FSD1L: variants seen among roughly 807,000 people sequenced by gnomAD.
FSD1L encodes the protein FSD1-like protein.
Under a neutral mutation model 71.6 loss-of-function variants are expected in FSD1L, and 45 were observed. That is an observed-to-expected ratio of 0.63 (90% CI 0.49 to 0.81). The LOEUF (loss-of-function observed/expected upper bound fraction) is 0.81, where lower values mean the gene tolerates loss of function less well. Ranked by LOEUF, FSD1L falls within the 30% of genes least tolerant of loss-of-function variation. The probability of loss-of-function intolerance (pLI) is 0.00; values close to 1 mark genes in which losing one functional copy is unlikely to be tolerated. For missense variants in FSD1L, 561 were observed against 618.1 expected (o/e 0.91, Z 0.98); for synonymous variants, 197 against 207.2 (o/e 0.95, Z 0.42).
intron 1 of FSD1L, among the ~76,000 whole-genome samples, chr9:105,453,011 A>G (rs1830135626): frequency 7.2e-6 from 1 of 138,162 alleles, no homozygotes; most frequent in African/African-American, 2.7e-5. Flanking sequence ...TGCTGGGATT[A>G]TAGGTATGAG....
chr9:105,511,052 T>G (rs945387414), intron 9 of FSD1L, among the ~76,000 whole-genome samples: 9 of 151,824 alleles, frequency 5.9e-5, no homozygotes, highest in Non-Finnish European at 2.9e-5. Flanking sequence ...ATAACTTAAC[T>G]GAGGTCCATA....
chr9:105,527,763 C>T (rs1348080085), intron 10 of FSD1L, among the ~76,000 whole-genome samples: 5 of 151,306 alleles, frequency 3.3e-5, no homozygotes, highest in Non-Finnish European at 7.4e-5. Flanking sequence ...CTCACCACTC[C>T]TACTCAACAT....
chr9:105,524,302 T>G, intron 10 of FSD1L: 1 of 1,613,212 alleles, frequency 6.2e-7, no homozygotes, highest in Non-Finnish European at 8.5e-7. Flanking sequence ...GTACCTAGAC[T>G]TCAGATTTAC....
At chr9:105,524,089 G>A in intron 10 of FSD1L, 1 of 1,611,634 alleles carries the variant, frequency 6.2e-7, no homozygotes, top group East Asian at 2.2e-5. Context: ...ACTGTATTAA[G>A]CTCGGCAAGA....
intron 1 of FSD1L, among the ~76,000 whole-genome samples, chr9:105,448,828 ACT>A (rs1231142814): frequency 2.0e-5 from 3 of 151,902 alleles, no homozygotes; most frequent in Non-Finnish European, 2.9e-5. Flanking sequence ...CAGCCTTCCC[ACT>A]CTCTGACCAG....
At chr9:105,463,827 A>G (rs894452050) in intron 2 of FSD1L, among the ~76,000 whole-genome samples, 6 of 152,210 alleles carry the variant, frequency 3.9e-5, no homozygotes, top group African/African-American at 1.4e-4. Flanking sequence ...GTAAATAAAT[A>G]AAATGTTGAT....
intron 10 of FSD1L, among the ~76,000 whole-genome samples, chr9:105,513,217 G>A (rs1464139387): frequency 6.6e-6 from 1 of 151,966 alleles, no homozygotes; most frequent in East Asian, 1.9e-4. Flanking sequence ...TTGCTTAGAA[G>A]AAGTTTCTAG....
intron 7 of FSD1L, among the ~76,000 whole-genome samples, chr9:105,502,515 AT>A (rs927879466): frequency 2.0e-5 from 3 of 152,206 alleles, no homozygotes; most frequent in East Asian, 1.9e-4. Context: ...CAATGATAAC[AT>A]TTTTCCCCCA....
chr9:105,512,703 A>G (rs1834466031), intron 9 of FSD1L, 104 bp from the exon 10 acceptor site: 2 of 548,028 alleles, frequency 3.6e-6, no homozygotes, highest in Non-Finnish European at 3.0e-6. Flanking sequence ...TTCTGTATTC[A>G]GTATTGAATT....
At chr9:105,509,579 A>G (rs560598076) in intron 9 of FSD1L, among the ~76,000 whole-genome samples, 24 of 152,310 alleles carry the variant, frequency 1.6e-4, no homozygotes, top group African/African-American at 5.3e-4. Context: ...TAGTTCATAT[A>G]GCATTTGAAT....
intron 7 of FSD1L, among the ~76,000 whole-genome samples, chr9:105,493,559 A>T (rs1833115072): frequency 6.6e-6 from 1 of 152,034 alleles, no homozygotes; most frequent in South Asian, 2.1e-4. Context: ...TTAGCTGGTG[A>T]TTTTGCTCGT....
At chr9:105,465,810 A>C (rs1831026182) in intron 3 of FSD1L, among the ~76,000 whole-genome samples, 1 of 152,208 alleles carries the variant, frequency 6.6e-6, no homozygotes, top group African/African-American at 2.4e-5. Context: ...CATCTTATCA[A>C]AGGTGAGAAG....
intron 3 of FSD1L, among the ~76,000 whole-genome samples, chr9:105,467,021 A>T (rs1422574354): frequency 4.6e-5 from 7 of 152,190 alleles, no homozygotes; most frequent in Admixed American, 2.6e-4. Flanking sequence ...AGAGGAAAAT[A>T]GTCTGTTTCT....
intron 8 of FSD1L, among the ~76,000 whole-genome samples, 176 bp downstream of exon 8, chr9:105,506,784 T>C (rs1589037438): frequency 6.6e-6 from 1 of 152,162 alleles, no homozygotes; most frequent in African/African-American, 2.4e-5. Flanking sequence ...TTTTTTTTTT[T>C]TTAAGACAGG....
At chr9:105,443,394 T>C (rs1249164831), upstream of FSD1L, among the ~76,000 whole-genome samples, 3 of 152,150 alleles carry the variant, frequency 2.0e-5, no homozygotes, top group African/African-American at 7.2e-5. Context: ...TTCACTATCA[T>C]GAGAACAACA....
chr9:105,481,305 G>A (rs556861732), intron 6 of FSD1L, among the ~76,000 whole-genome samples: 8 of 144,878 alleles, frequency 5.5e-5, no homozygotes, highest in Non-Finnish European at 1.2e-4. Context: ...TTTTTTTTGA[G>A]ACAGAGTCTT....
At chr9:105,540,608 G>C (rs537293273) in intron 13 of FSD1L, among the ~76,000 whole-genome samples, 16 of 152,204 alleles carry the variant, frequency 1.1e-4, no homozygotes, top group African/African-American at 3.8e-4. Context: ...TAAGGATCTA[G>C]ATACGTTCTT....
intron 10 of FSD1L, chr9:105,525,425 T>C: frequency 6.2e-7 from 1 of 1,607,916 alleles, no homozygotes; most frequent in Admixed American, 1.7e-5. Context: ...AATGCTATCC[T>C]TAAGCAACAT....
At chr9:105,450,971 T>G (rs1389837166) in intron 1 of FSD1L, among the ~76,000 whole-genome samples, 1 of 152,224 alleles carries the variant, frequency 6.6e-6, no homozygotes, top group Non-Finnish European at 1.5e-5. Context: ...TTTTCCTTTT[T>G]TTTGAGACGA....
Sources: gnomAD v4.1 joint callset for allele counts (sites outside exome capture counted in the v4.1 genomes callset) on GRCh38, gnomAD v4.1.1 for gene constraint, MANE v1.5 for transcripts, NCBI Gene and HGNC (gene_info 2026-07-23, HGNC 2026-07-21) for gene names.